CADPS: variants seen among roughly 807,000 people sequenced by gnomAD.
CADPS encodes the protein calcium-dependent secretion activator 1.
A neutral mutation model predicts 167.3 loss-of-function variants in CADPS; 57 were observed. That is an observed-to-expected ratio of 0.34 (90% CI 0.28 to 0.42). CADPS has a LOEUF of 0.42. CADPS is among the 20% of genes least tolerant of loss of function. The pLI, the probability that CADPS is intolerant of heterozygous loss-of-function variation, is 1.00. For synonymous variants in CADPS, 676 were observed against 635.3 expected (o/e 1.06, Z -0.96); for missense variants, 1,414 against 1,738.1 (o/e 0.81, Z 3.32).
chr3:62,491,286 C>T (rs928876290), intron 21 of CADPS, 53 bp downstream of exon 21: 7 of 1,578,724 alleles, frequency 4.4e-6, no homozygotes, highest in Non-Finnish European at 6.1e-6. Flanking sequence ...TTCTGTATTA[C>T]TCTCCAGCCA....
chr3:62,654,792 G>A (rs1416670474), intron 4 of CADPS, among the ~76,000 whole-genome samples: 6 of 152,158 alleles, frequency 3.9e-5, no homozygotes, highest in Non-Finnish European at 8.8e-5. Context: ...TGGTAAGTGG[G>A]GAATTTCTGA....
chr3:62,631,020 T>C (rs1312070863), intron 6 of CADPS, among the ~76,000 whole-genome samples: 1 of 152,140 alleles, frequency 6.6e-6, no homozygotes, highest in Non-Finnish European at 1.5e-5. Flanking sequence ...TTTTAGTTTA[T>C]TTTTAAAAAG....
intron 9 of CADPS, among the ~76,000 whole-genome samples, chr3:62,566,235 C>T (rs925603584): frequency 6.6e-6 from 1 of 152,194 alleles, no homozygotes; most frequent in Non-Finnish European, 1.5e-5. Context: ...TTCTCCCTTC[C>T]CCAGAACTCT....
intron 3 of CADPS, among the ~76,000 whole-genome samples, chr3:62,673,018 T>C (rs906006615): frequency 6.6e-6 from 1 of 152,216 alleles, no homozygotes; most frequent in African/African-American, 2.4e-5. Flanking sequence ...TCACCTCTTC[T>C]AGGCCACCCT....
intron 17 of CADPS, among the ~76,000 whole-genome samples, chr3:62,508,283 T>A (rs938177674): frequency 1.3e-5 from 2 of 151,286 alleles, no homozygotes; most frequent in Admixed American, 6.6e-5. Flanking sequence ...TGACTACTCA[T>A]TTTTTTTGAA....
At chr3:62,550,592 G>A (rs115813148) in intron 10 of CADPS, among the ~76,000 whole-genome samples, 8 of 152,016 alleles carry the variant, frequency 5.3e-5, no homozygotes, top group South Asian at 4.2e-4. Context: ...GATTCAGTAC[G>A]TCCGGAACAG....
chr3:62,582,404 C>A (rs2083607554), intron 8 of CADPS, among the ~76,000 whole-genome samples: 1 of 152,200 alleles, frequency 6.6e-6, no homozygotes, highest in Non-Finnish European at 1.5e-5. Flanking sequence ...AGAGATCACA[C>A]CGCTGCACTC....
chr3:62,777,348 AG>A (rs1274324716), intron 1 of CADPS, among the ~76,000 whole-genome samples: 3 of 152,216 alleles, frequency 2.0e-5, no homozygotes, highest in African/African-American at 7.2e-5. Context: ...TAGAGAGAGA[AG>A]GTACAAGTGA....
intron 1 of CADPS, among the ~76,000 whole-genome samples, chr3:62,845,924 C>A (rs1216668784): frequency 1.3e-5 from 2 of 152,030 alleles, no homozygotes; most frequent in African/African-American, 4.8e-5. Context: ...GAATTGTAAT[C>A]CCTAATGTTG....
intron 8 of CADPS, among the ~76,000 whole-genome samples, chr3:62,579,162 A>C (rs544366905): frequency 3.9e-5 from 6 of 152,356 alleles, no homozygotes; most frequent in Admixed American, 3.9e-4. Flanking sequence ...ATGTGGAGTC[A>C]TGAGGAGCTC....
chr3:62,522,562 G>A (rs1008600770), intron 13 of CADPS, among the ~76,000 whole-genome samples: 2 of 151,970 alleles, frequency 1.3e-5, no homozygotes, highest in Non-Finnish European at 2.9e-5. Context: ...CGTCTTTGAG[G>A]CCCCCAGCAT....
chr3:62,852,177 T>C (rs1009200145), intron 1 of CADPS, among the ~76,000 whole-genome samples: 3 of 150,522 alleles, frequency 2.0e-5, no homozygotes, highest in Non-Finnish European at 3.0e-5. Flanking sequence ...TACATTCTTC[T>C]AAATTTTTTT....
chr3:62,441,166 C>T (rs1485701046), intron 27 of CADPS: 1 of 152,250 alleles, frequency 6.6e-6, no homozygotes, highest in East Asian at 1.9e-4. Flanking sequence ...TACCCGCACA[C>T]ACTGGGACAA....
intron 22 of CADPS, among the ~76,000 whole-genome samples, chr3:62,479,818 C>T (rs535928196): frequency 9.8e-5 from 15 of 152,290 alleles, no homozygotes; most frequent in African/African-American, 2.4e-4. Context: ...CAGATACTGC[C>T]GTGAGCATTG....
At chr3:62,417,647 T>C (rs1349721171) in intron 28 of CADPS, among the ~76,000 whole-genome samples, 2 of 152,100 alleles carry the variant, frequency 1.3e-5, no homozygotes, top group Non-Finnish European at 2.9e-5. Flanking sequence ...TTATGTCTCA[T>C]TGAATCTGAT....
chr3:62,425,088 T>C (rs552883356), intron 28 of CADPS, among the ~76,000 whole-genome samples: 152 of 152,262 alleles, frequency 1.0e-3, no homozygotes, highest in African/African-American at 3.1e-3. Context: ...AATAATACTA[T>C]CTCTTCCCAT....
chr3:62,731,898 G>A (rs1198602259), intron 3 of CADPS, among the ~76,000 whole-genome samples: 2 of 151,408 alleles, frequency 1.3e-5, no homozygotes, highest in East Asian at 1.9e-4. Flanking sequence ...AGGGCGCTGG[G>A]CTAAAAGCAT....
intron 3 of CADPS, among the ~76,000 whole-genome samples, chr3:62,714,101 A>C (rs555298513): frequency 3.9e-5 from 6 of 152,304 alleles, no homozygotes; most frequent in African/African-American, 1.4e-4. Context: ...GGGAACTACA[A>C]AACATCTGTT....
intron 1 of CADPS, among the ~76,000 whole-genome samples, chr3:62,857,853 ATC>A (rs1382994166): frequency 6.6e-6 from 1 of 152,074 alleles, no homozygotes; most frequent in African/African-American, 2.4e-5. Flanking sequence ...CATTTTGCTT[ATC>A]TCTTCAGTTA....
Sources: gnomAD v4.1 joint callset for allele counts (sites outside exome capture counted in the v4.1 genomes callset) on GRCh38, gnomAD v4.1.1 for gene constraint, MANE v1.5 for transcripts, NCBI Gene and HGNC (gene_info 2026-07-23, HGNC 2026-07-21) for gene names.